Variants in PRKG1 observed in about 807,000 individuals in gnomAD.
PRKG1 encodes the protein cGMP-dependent protein kinase 1.
PRKG1 carries 35 observed loss-of-function variants against 88.1 expected under a neutral mutation model. The observed-to-expected ratio is 0.40, with a 90% CI of 0.30 to 0.53. The LOEUF is 0.53. Among genes scored for constraint, PRKG1 ranks in the 20% least tolerant of loss-of-function variants. The pLI is 0.59. For missense variants in PRKG1, 540 were observed against 839.8 expected (o/e 0.64, Z 4.41); for synonymous variants, 303 against 292.5 (o/e 1.04, Z -0.37).
intron 9 of PRKG1, among the ~76,000 whole-genome samples, chr10:52,171,833 T>G (rs1425912517): frequency 1.6e-5 from 2 of 127,320 alleles, no homozygotes; most frequent in African/African-American, 6.1e-5. Context: ...TCTCGCTCTG[T>G]CGCCCAGGTC....
intron 1 of PRKG1, among the ~76,000 whole-genome samples, chr10:51,131,928 G>A (rs1454569063): frequency 1.3e-5 from 2 of 152,066 alleles, no homozygotes; most frequent in Non-Finnish European, 2.9e-5. Context: ...AAAAATGGCT[G>A]AAGTAAATGT....
chr10:51,014,657 C>G (rs1253849036), intron 1 of PRKG1, among the ~76,000 whole-genome samples: 1 of 152,026 alleles, frequency 6.6e-6, no homozygotes, highest in African/African-American at 2.4e-5. Flanking sequence ...TATAGAGACA[C>G]TAATTTGATC....
Position 52,072,158 on chromosome 10 carries a change from CTTTTTTTT to C in PRKG1, c.935+9546_935+9553del, listed in dbSNP as rs60576406. Among the ~76,000 whole-genome samples, 81 of 39,568 alleles carry C rather than the reference CTTTTTTTT, an allele frequency of 2.0e-3. 2 individuals are homozygous for C. The highest frequency in any genetic ancestry group is 7.0e-3 in the African/African-American group (62 of 8,908). The allele number at this position is 39,568 out of a possible 152,430, so 26.0% of individuals were successfully genotyped here. A position where few individuals can be genotyped will look rare whatever the true frequency, so the allele number is the denominator to read the frequency against. On this transcript the variant is annotated intron_variant, in intron 7 of 17. Transcript: ENST00000373980. ...GAGACTCTCAGGGTTTATTGTTTTG[CTTTTTTTT>C]TTTTTTTTTTTTTTTTTTACGTTTT...
intron 2 of PRKG1, among the ~76,000 whole-genome samples, chr10:51,249,095 A>T (rs1182692448): frequency 6.6e-6 from 1 of 151,782 alleles, no homozygotes; most frequent in Admixed American, 6.6e-5. Flanking sequence ...AAATTTTTTT[A>T]AGAGGCGAGG....
intron 5 of PRKG1, among the ~76,000 whole-genome samples, chr10:51,995,151 T>A (rs1246086818): frequency 6.6e-6 from 1 of 152,142 alleles, no homozygotes; most frequent in Non-Finnish European, 1.5e-5. Context: ...ACCAATTTGA[T>A]ACTCTTTTTA....
chr10:51,118,975 G>A (rs1845200149), intron 1 of PRKG1, among the ~76,000 whole-genome samples: 3 of 152,038 alleles, frequency 2.0e-5, no homozygotes, highest in Admixed American at 2.0e-4. Context: ...AAAATAAAAA[G>A]GAAATCATGA....
chr10:51,735,883 A>ATATTTATTTATTTATTTATT (rs1554836800), intron 3 of PRKG1, among the ~76,000 whole-genome samples: 4 of 102,846 alleles, frequency 3.9e-5, no homozygotes, highest in East Asian at 5.2e-4. Context: ...ATATATATGT[A>ATATTTATTTATTTATTTATT]TATTTATTTA....
chr10:51,798,522 T>G (rs926462322), intron 3 of PRKG1, among the ~76,000 whole-genome samples: 4 of 152,034 alleles, frequency 2.6e-5, no homozygotes, highest in Non-Finnish European at 5.9e-5. Context: ...TACTTCATAA[T>G]ATTTGTGAAG....
chr10:51,243,394 G>C (rs1360802729), intron 2 of PRKG1, among the ~76,000 whole-genome samples: 1 of 152,226 alleles, frequency 6.6e-6, no homozygotes, highest in Non-Finnish European at 1.5e-5. Flanking sequence ...GCAGTCAGCA[G>C]AAGGCTCTTG....
intron 2 of PRKG1, among the ~76,000 whole-genome samples, chr10:51,385,067 TG>T (rs1458465700): frequency 6.6e-6 from 1 of 152,244 alleles, no homozygotes; most frequent in African/African-American, 2.4e-5. Context: ...GTTGTCCTAA[TG>T]GATGTTTTCA....
chr10:51,751,850 A>C (rs386489724), intron 3 of PRKG1, among the ~76,000 whole-genome samples: 272 of 152,138 alleles, frequency 1.8e-3, no homozygotes, highest in Non-Finnish European at 3.2e-3. Flanking sequence ...CTTAGTACCT[A>C]ATCTAGTGCC....
intron 3 of PRKG1, among the ~76,000 whole-genome samples, chr10:51,472,707 A>G (rs1840079524): frequency 6.6e-6 from 1 of 151,936 alleles, no homozygotes; most frequent in Admixed American, 6.6e-5. Context: ...ATGAAGCAAC[A>G]CTGTCCATCA....
chr10:52,243,662 A>G (rs1840925140), intron 9 of PRKG1, among the ~76,000 whole-genome samples: 1 of 152,178 alleles, frequency 6.6e-6, no homozygotes, highest in African/African-American at 2.4e-5. Flanking sequence ...CCAATCACTT[A>G]TCAGCAGCTG....
intron 3 of PRKG1, among the ~76,000 whole-genome samples, chr10:51,590,818 G>T (rs1008302162): frequency 2.0e-5 from 3 of 150,366 alleles, no homozygotes; most frequent in Non-Finnish European, 4.4e-5. Flanking sequence ...CGATATGGGG[G>T]GGGTGGGGTG....
intron 2 of PRKG1, among the ~76,000 whole-genome samples, chr10:51,276,736 T>C (rs1053379692): frequency 1.3e-5 from 2 of 152,256 alleles, no homozygotes; most frequent in African/African-American, 2.4e-5. Context: ...CATTTTTTCA[T>C]GTGTCTGTCG....
At chr10:51,074,239 C>A (rs1275239746), upstream of PRKG1, 2 of 227,220 alleles carry the variant, frequency 8.8e-6, no homozygotes, top group East Asian at 2.0e-4. Context: ...GCCTCGGAGC[C>A]CCCATTCACG....
intron 3 of PRKG1, among the ~76,000 whole-genome samples, chr10:51,779,369 T>C (rs1462996879): frequency 6.6e-6 from 1 of 152,132 alleles, no homozygotes; most frequent in East Asian, 1.9e-4. Flanking sequence ...CTCATGCTTA[T>C]ACGCCTCTGG....
chr10:51,511,910 C>A (rs939783479), intron 3 of PRKG1, among the ~76,000 whole-genome samples: 13 of 152,198 alleles, frequency 8.5e-5, no homozygotes, highest in African/African-American at 3.1e-4. Context: ...TATAAATTAA[C>A]TGTGGTGTAT....
intron 5 of PRKG1, among the ~76,000 whole-genome samples, chr10:52,010,219 C>G (rs1844845885): frequency 6.6e-6 from 1 of 152,122 alleles, no homozygotes; most frequent in Non-Finnish European, 1.5e-5. Flanking sequence ...AATAGACTAT[C>G]AACAGAGTAA....
Sources: allele counts gnomAD v4.1 joint callset (sites outside exome capture counted in the v4.1 genomes callset), GRCh38; gene constraint gnomAD v4.1.1; transcripts MANE v1.5; gene names NCBI Gene and HGNC (gene_info 2026-07-23, HGNC 2026-07-21).